Variants in QPCT observed in about 807,000 individuals in gnomAD.
QPCT encodes EC.
QPCT carries 44 observed loss-of-function variants against 43.4 expected under a neutral mutation model. The ratio of observed to expected loss-of-function variants is 1.01; its 90% CI spans 0.80 to 1.30. The LOEUF is 1.30. QPCT is among the 50% of genes most tolerant of loss of function. The probability of loss-of-function intolerance (pLI) is 0.00; values close to 1 mark genes in which losing one functional copy is unlikely to be tolerated. For synonymous variants in QPCT, 168 were observed against 168.4 expected (o/e 1.00, Z 0.02); for missense variants, 526 against 436.5 (o/e 1.21, Z -1.83).
intron 1 of QPCT, among the ~76,000 whole-genome samples, chr2:37,345,760 C>T (rs534842512): frequency 4.7e-4 from 69 of 146,920 alleles, no homozygotes; most frequent in Non-Finnish European, 8.5e-4. Context: ...GGCGTGAACC[C>T]GGGGGGCGGA....
chr2:37,364,116 C>G (rs1305771073), intron 3 of QPCT, among the ~76,000 whole-genome samples: 1 of 152,054 alleles, frequency 6.6e-6, no homozygotes, highest in Non-Finnish European at 1.5e-5. Context: ...AATTTGCAAC[C>G]CAGAATCTTC....
intron 1 of QPCT, 108 bp downstream of exon 1, chr2:37,344,959 C>G: frequency 1.4e-6 from 2 of 1,417,320 alleles, no homozygotes; most frequent in Non-Finnish European, 1.8e-6. Flanking sequence ...GGCAGGGCCA[C>G]GGTCCCCAGC....
rs1673114490 is a variant in QPCT at position 37,373,022 on chromosome 2, T to A, written c.*195T>A. The stretch of plus-strand genomic sequence containing the variant: ...TGATATTGTGTCCTAAATTGCTCAT[T>A]AATTTTTATTTACAGATTGAAAAAG... On this transcript the variant is annotated 3_prime_UTR_variant, in exon 7 of 7. Transcript: ENST00000338415. 2.3e-6 allele frequency: 1 copy of A among 429,302 alleles called. No individual in the cohort carries two copies. The allele number at this position is 429,302 out of a possible 1,614,324, so 26.6% of individuals were successfully genotyped here. A position where few individuals can be genotyped will look rare whatever the true frequency, so the allele number is the denominator to read the frequency against.
chr2:37,347,176 TATAA>T (rs1558599376), intron 1 of QPCT, among the ~76,000 whole-genome samples: 4 of 88,254 alleles, frequency 4.5e-5, no homozygotes, highest in African/African-American at 1.5e-4. Flanking sequence ...CATATATATA[TATAA>T]CATATATATA....
intron 3 of QPCT, among the ~76,000 whole-genome samples, chr2:37,363,082 T>G (rs749219881): frequency 1.8e-4 from 27 of 152,170 alleles, no homozygotes; most frequent in Non-Finnish European, 2.4e-4. Flanking sequence ...ATAGTTTCTC[T>G]CCCATCTTCA....
rs562777701 is a variant in QPCT at position 37,354,868 on chromosome 2, C to T, written c.267+1933C>T. 1.6e-4 allele frequency among the ~76,000 whole-genome samples: 24 copies of T among 152,144 alleles called. No individual in the cohort carries two copies. In the South Asian group the frequency reaches 4.4e-3, roughly 28 times the overall value. ...ATTTGCCCAGAGCGCTGTATATAAC[C>T]AGAAATGATATGCATACTTCAGGCC... On this transcript the variant is annotated intron_variant, in intron 2 of 6. Coordinates refer to ENST00000338415, the MANE Select transcript of QPCT (RefSeq NM_012413.4).
At chr2:37,356,913 G>A (rs1200136443) in intron 2 of QPCT, among the ~76,000 whole-genome samples, 1 of 152,012 alleles carries the variant, frequency 6.6e-6, no homozygotes, top group African/African-American at 2.4e-5. Context: ...GGCTAAGGCA[G>A]GAGAATTTGC....
chr2:37,348,065 T>C (rs80100197), intron 1 of QPCT, among the ~76,000 whole-genome samples: 14 of 46,416 alleles, frequency 3.0e-4, no homozygotes, highest in Non-Finnish European at 4.7e-4. Context: ...CGCGCACGCG[T>C]GTGTGTGTGT....
chr2:37,364,065 G>C (rs950214086), intron 3 of QPCT, among the ~76,000 whole-genome samples: 1 of 152,210 alleles, frequency 6.6e-6, no homozygotes, highest in East Asian at 1.9e-4. Context: ...TTGGGAGCTA[G>C]AAAACAATGA....
At chr2:37,355,304 T>C (rs1456662269) in intron 2 of QPCT, among the ~76,000 whole-genome samples, 1 of 152,154 alleles carries the variant, frequency 6.6e-6, no homozygotes. Flanking sequence ...CATGACAGAG[T>C]AATTATGAGG....
intron 5 of QPCT, among the ~76,000 whole-genome samples, chr2:37,371,293 C>T (rs1183455682): frequency 2.6e-5 from 4 of 151,608 alleles, no homozygotes; most frequent in Admixed American, 2.6e-4. Context: ...ATAACTTGCA[C>T]CTTCATTCAA....
intron 3 of QPCT, among the ~76,000 whole-genome samples, chr2:37,363,846 A>G (rs899830063): frequency 6.6e-6 from 1 of 152,076 alleles, no homozygotes; most frequent in African/African-American, 2.4e-5. Context: ...GTCAATAAGG[A>G]GGAGCTTTTG....
chr2:37,371,945 T>TAAA (rs1673083521), intron 5 of QPCT, among the ~76,000 whole-genome samples: 1 of 152,184 alleles, frequency 6.6e-6, no homozygotes, highest in Non-Finnish European at 1.5e-5. Context: ...TCTACTCTGT[T>TAAA]TGAGTATTCC....
intron 3 of QPCT, among the ~76,000 whole-genome samples, chr2:37,363,204 G>C (rs1029453382): frequency 6.6e-6 from 1 of 152,168 alleles, no homozygotes; most frequent in African/African-American, 2.4e-5. Flanking sequence ...TGAAAACACT[G>C]GCTGGGCACC....
chr2:37,358,617 A>G (rs1672796706), intron 2 of QPCT: 1 of 152,196 alleles, frequency 6.6e-6, no homozygotes, highest in Non-Finnish European at 1.5e-5. Context: ...TAGTTCCTGA[A>G]GTGATGCTAC....
At chr2:37,352,189 T>G (rs1397227654) in intron 1 of QPCT, among the ~76,000 whole-genome samples, 2 of 152,202 alleles carry the variant, frequency 1.3e-5, no homozygotes, top group African/African-American at 4.8e-5. Flanking sequence ...CATTATAAAA[T>G]TTTGAATTAG....
intron 2 of QPCT, among the ~76,000 whole-genome samples, chr2:37,357,563 T>C (rs528261983): frequency 8.6e-4 from 131 of 152,330 alleles, no homozygotes; most frequent in African/African-American, 3.1e-3. Flanking sequence ...AAAAAGGTTA[T>C]AAACATTTCT....
At chr2:37,360,092 A>G (rs1250753284) in intron 3 of QPCT, 1 of 520,800 alleles carries the variant, frequency 1.9e-6, no homozygotes, top group African/African-American at 1.9e-5. Context: ...TCAGCCTTGA[A>G]TGCACATTAA....
At chr2:37,347,194 C>CATATATATATAACATATATATAACAT (rs1672517331) in intron 1 of QPCT, among the ~76,000 whole-genome samples, 1 of 48,818 alleles carries the variant, frequency 2.0e-5, no homozygotes, top group African/African-American at 9.4e-5. Flanking sequence ...ATATATATAA[C>CATATATATATAACATATATATAACAT]ATATATATAT....
Sources: allele counts gnomAD v4.1 joint callset (sites outside exome capture counted in the v4.1 genomes callset), GRCh38; gene constraint gnomAD v4.1.1; transcripts MANE v1.5; gene names NCBI Gene and HGNC (gene_info 2026-07-23, HGNC 2026-07-21).